SORCS1: variants seen among roughly 807,000 people sequenced by gnomAD.
The protein encoded by SORCS1 is VPS10 domain-containing receptor SorCS1.
SORCS1 carries 60 observed loss-of-function variants against 146.1 expected under a neutral mutation model. That is an observed-to-expected ratio of 0.41 (90% CI 0.33 to 0.51). The LOEUF (loss-of-function observed/expected upper bound fraction) is 0.51, where lower values mean the gene tolerates loss of function less well. Among genes scored for constraint, SORCS1 ranks in the 20% least tolerant of loss-of-function variants. SORCS1 has a pLI of 0.21. For missense variants in SORCS1, 1,352 were observed against 1,487.6 expected, an observed-to-expected ratio of 0.91 and a Z score of 1.50; for synonymous variants, 637 against 584.0, an observed-to-expected ratio of 1.09 and a Z score of -1.31.
At chr10:107,024,525 G>C (rs865871836) in intron 1 of SORCS1, among the ~76,000 whole-genome samples, 1 of 152,058 alleles carries the variant, frequency 6.6e-6, no homozygotes, top group Non-Finnish European at 1.5e-5. Flanking sequence ...TCCAAACTGC[G>C]GCACTGGAAT....
chr10:106,922,966 G>A lies in SORCS1; in HGVS notation c.626+33547C>T, dbSNP rs1260506049. Among the ~76,000 whole-genome samples the A allele has an allele frequency of 3.3e-5, 5 of 150,732 alleles. No homozygotes were observed. In the East Asian group the frequency reaches 7.8e-4, roughly 24 times the overall value. On this transcript the variant is annotated intron_variant, in intron 2 of 25. Transcript: ENST00000263054. ...TGTGGTGGCGCAATCTCAGCTCACTGGAACCTCCACCTCCCGGGTTCAAGC... is the reference window on the plus strand; with the variant it reads ...TGTGGTGGCGCAATCTCAGCTCACTAGAACCTCCACCTCCCGGGTTCAAGC...
At chr10:107,017,836 G>A (rs191492261) in intron 1 of SORCS1, among the ~76,000 whole-genome samples, 202 of 151,922 alleles carry the variant, frequency 1.3e-3, no homozygotes, top group African/African-American at 4.6e-3. Context: ...TTGTTTTTTT[G>A]TAGTTTTTTA....
intron 2 of SORCS1, among the ~76,000 whole-genome samples, chr10:106,889,315 G>A (rs1951126698): frequency 6.6e-6 from 1 of 152,052 alleles, no homozygotes; most frequent in South Asian, 2.1e-4. Context: ...AAGAAAAACA[G>A]ACAGCAATTG....
chr10:106,704,443 C>T (rs890916989), intron 8 of SORCS1, among the ~76,000 whole-genome samples: 2 of 152,146 alleles, frequency 1.3e-5, no homozygotes, highest in Non-Finnish European at 2.9e-5. Context: ...TGTAATCCCA[C>T]CACTTTGGGA....
At chr10:106,898,950 T>C (rs995438383) in intron 2 of SORCS1, among the ~76,000 whole-genome samples, 1 of 152,232 alleles carries the variant, frequency 6.6e-6, no homozygotes, top group Non-Finnish European at 1.5e-5. Context: ...TGCTGGGTTT[T>C]GGCCTAATTT....
chr10:106,888,528 A>G (rs1397245356), intron 2 of SORCS1, among the ~76,000 whole-genome samples: 2 of 152,238 alleles, frequency 1.3e-5, no homozygotes, highest in Admixed American at 1.3e-4. Context: ...TTCTTGAATG[A>G]AAGTTTTCTA....
rs1348146633 is a variant in SORCS1 at position 107,060,184 on chromosome 10, T to C, written c.559-103604A>G. ...ACACATGCACACTGGAATATTAAAA[T>C]GTAGACAGAAGGATGGAAATGACAA... is the stretch of plus-strand genomic sequence containing the variant. On this transcript the variant is annotated intron_variant, in intron 1 of 25. Coordinates refer to ENST00000263054, the MANE Select transcript of SORCS1 (RefSeq NM_052918.5). This position sits in a 1 kb window ranked among gnomAD's most constrained non-coding sequence, Gnocchi z 4.1. Among the ~76,000 whole-genome samples the C allele has an allele frequency of 6.6e-6, 1 of 151,982 alleles. No individual in the cohort carries two copies. The highest frequency in any genetic ancestry group is 2.4e-5 in the African/African-American group (1 of 41,384).
chr10:107,154,787 C>A (rs930309336), intron 1 of SORCS1, among the ~76,000 whole-genome samples: 1 of 152,094 alleles, frequency 6.6e-6, no homozygotes, highest in African/African-American at 2.4e-5. Context: ...AACAGCTAAC[C>A]CTTATTGATG....
chr10:107,166,206 A>G (rs1970047252), upstream of SORCS1, among the ~76,000 whole-genome samples: 1 of 152,238 alleles, frequency 6.6e-6, no homozygotes, highest in Admixed American at 6.5e-5. Context: ...GTTCATTTTC[A>G]TACTAGAATA....
chr10:106,804,857 C>G (rs983534332), intron 3 of SORCS1, among the ~76,000 whole-genome samples: 1 of 152,106 alleles, frequency 6.6e-6, no homozygotes, highest in Non-Finnish European at 1.5e-5. Context: ...AGATAGATAA[C>G]CCATTACATA....
chr10:106,745,028 A>C (rs892246424), intron 5 of SORCS1, among the ~76,000 whole-genome samples: 1 of 152,220 alleles, frequency 6.6e-6, no homozygotes, highest in Non-Finnish European at 1.5e-5. Flanking sequence ...TTAGCCAAAA[A>C]GTCTTGCCCT....
intron 3 of SORCS1, among the ~76,000 whole-genome samples, chr10:106,813,385 G>A (rs1947575370): frequency 6.6e-6 from 1 of 151,460 alleles, no homozygotes; most frequent in Non-Finnish European, 1.5e-5. Context: ...TACCTACCTC[G>A]GCCTCCCAAA....
intron 2 of SORCS1, among the ~76,000 whole-genome samples, chr10:106,842,183 A>T (rs1255610012): frequency 6.6e-6 from 1 of 152,126 alleles, no homozygotes; most frequent in East Asian, 1.9e-4. Flanking sequence ...ACGAGGTTTA[A>T]CATATTTTAT....
At chr10:106,615,171 TTC>T (rs1847273954) in intron 21 of SORCS1, among the ~76,000 whole-genome samples, 1 of 152,210 alleles carries the variant, frequency 6.6e-6, no homozygotes, top group Non-Finnish European at 1.5e-5. Flanking sequence ...TGTAAATTCC[TTC>T]TCTGTCCCTT....
intron 2 of SORCS1, among the ~76,000 whole-genome samples, chr10:106,929,667 C>T (rs572207071): frequency 1.3e-4 from 20 of 152,212 alleles, no homozygotes; most frequent in African/African-American, 4.3e-4. Context: ...AATCAAACTT[C>T]GTCAACTTAA....
At chr10:106,984,877 T>G (rs1421274681) in intron 1 of SORCS1, among the ~76,000 whole-genome samples, 3 of 151,944 alleles carry the variant, frequency 2.0e-5, no homozygotes, top group African/African-American at 7.2e-5. Context: ...CACCTTCTCA[T>G]TAAGTTGTTG....
intron 2 of SORCS1, among the ~76,000 whole-genome samples, chr10:106,845,246 GT>G (rs1949269001): frequency 1.0e-5 from 1 of 98,548 alleles, no homozygotes; most frequent in Non-Finnish European, 2.2e-5. Flanking sequence ...AGCACCTGTT[GT>G]TTCCTGACTT....
At chr10:107,153,461 G>A (rs1969005578) in intron 1 of SORCS1, among the ~76,000 whole-genome samples, 1 of 152,182 alleles carries the variant, frequency 6.6e-6, no homozygotes. Context: ...TTAACTGGGT[G>A]AATGGAGGTC....
At chr10:106,815,202 C>T (rs373305803) in intron 3 of SORCS1, among the ~76,000 whole-genome samples, 253 of 152,148 alleles carry the variant, frequency 1.7e-3, no homozygotes, top group African/African-American at 5.6e-3. Context: ...CGTGATCCAC[C>T]CACCTTGGCC....
Sources: gnomAD v4.1 joint callset for allele counts (sites outside exome capture counted in the v4.1 genomes callset) on GRCh38, gnomAD v4.1.1 for gene constraint, Gnocchi (gnomAD v3.1) non-coding constraint, MANE v1.5 for transcripts, NCBI Gene and HGNC (gene_info 2026-07-23, HGNC 2026-07-21) for gene names.